TPRG1: variants seen among roughly 807,000 people sequenced by gnomAD.
The protein encoded by TPRG1 is tumor protein p63-regulated gene 1 protein.
TPRG1 carries 29 observed loss-of-function variants against 29.3 expected under a neutral mutation model. That is an observed-to-expected ratio of 0.99 (90% confidence interval 0.74 to 1.35). The LOEUF is 1.35. Among genes scored for constraint, TPRG1 ranks in the 40% most tolerant of loss-of-function variants. The pLI, the probability that TPRG1 is intolerant of heterozygous loss-of-function variation, is 0.00. For missense variants in TPRG1, 327 were observed against 335.0 expected (o/e 0.98, Z 0.19); for synonymous variants, 130 against 116.8 (o/e 1.11, Z -0.73).
intron 4 of TPRG1, among the ~76,000 whole-genome samples, chr3:189,279,326 G>T (rs777473747): frequency 6.6e-5 from 10 of 152,056 alleles, no homozygotes; most frequent in Non-Finnish European, 1.5e-4. Context: ...TTCAGTTGAA[G>T]GTAGAGATCA....
intron 1 of TPRG1, among the ~76,000 whole-genome samples, chr3:188,997,756 C>T (rs1460529864): frequency 1.3e-5 from 2 of 152,112 alleles, no homozygotes; most frequent in Admixed American, 6.5e-5. Context: ...AAGGGACATC[C>T]GAACAATTAC....
At chr3:189,232,652 A>G (rs1234003469) in intron 3 of TPRG1, among the ~76,000 whole-genome samples, 1 of 152,052 alleles carries the variant, frequency 6.6e-6, no homozygotes, top group Non-Finnish European at 1.5e-5. Flanking sequence ...TCTGCATGGG[A>G]TAGTGGGGGG....
chr3:189,123,861 C>T (rs543181101), intron 1 of TPRG1, among the ~76,000 whole-genome samples: 25 of 152,220 alleles, frequency 1.6e-4, no homozygotes, highest in South Asian at 4.2e-4. Flanking sequence ...GAAATGTGCC[C>T]GGGAAATGTG....
chr3:189,105,591 C>T (rs1479391631), intron 1 of TPRG1, among the ~76,000 whole-genome samples: 2 of 152,098 alleles, frequency 1.3e-5, no homozygotes, highest in East Asian at 3.9e-4. Flanking sequence ...GCATCTCCCT[C>T]ATTTTCCCTT....
At chr3:189,037,718 C>T (rs1714364280) in intron 4 of TPRG1, among the ~76,000 whole-genome samples, 1 of 151,606 alleles carries the variant, frequency 6.6e-6, no homozygotes, top group Non-Finnish European at 1.5e-5. Context: ...ACAGTCTTCT[C>T]CAAGATTTTG....
chr3:189,240,058 T>C (rs1405046167), intron 4 of TPRG1, among the ~76,000 whole-genome samples: 2 of 152,170 alleles, frequency 1.3e-5, no homozygotes, highest in Non-Finnish European at 2.9e-5. Context: ...GACTAGCACA[T>C]AGTAGGGTCT....
chr3:189,193,770 A>G (rs1238222606), intron 1 of TPRG1, among the ~76,000 whole-genome samples: 5 of 150,806 alleles, frequency 3.3e-5, no homozygotes, highest in South Asian at 2.1e-4. Flanking sequence ...ATGTATGTCT[A>G]CTATCTCTGT....
chr3:189,296,001 C>T (rs938217608), intron 4 of TPRG1, among the ~76,000 whole-genome samples: 2 of 151,800 alleles, frequency 1.3e-5, no homozygotes, highest in African/African-American at 2.4e-5. Context: ...TTTGTTGACC[C>T]GTTTGGGGCT....
At chr3:189,204,632 T>C (rs1397964534) in intron 1 of TPRG1, among the ~76,000 whole-genome samples, 1 of 152,170 alleles carries the variant, frequency 6.6e-6, no homozygotes, top group Non-Finnish European at 1.5e-5. Flanking sequence ...GAAGACAGCC[T>C]GAGGGAGAGG....
chr3:189,176,782 A>C (rs1560516235), intron 1 of TPRG1, among the ~76,000 whole-genome samples: 1 of 152,260 alleles, frequency 6.6e-6, no homozygotes, highest in Non-Finnish European at 1.5e-5. Context: ...CGTGGAACGA[A>C]CTGAGTGGAA....
upstream of TPRG1, among the ~76,000 whole-genome samples, chr3:189,171,083 A>G (rs1473291807): frequency 6.6e-6 from 1 of 152,240 alleles, no homozygotes; most frequent in Non-Finnish European, 1.5e-5. Context: ...ACTTTATTTT[A>G]TACCAACTCT....
intron 4 of TPRG1, among the ~76,000 whole-genome samples, chr3:189,081,291 C>A (rs927698215): frequency 1.3e-5 from 2 of 151,970 alleles, no homozygotes; most frequent in African/African-American, 4.8e-5. Flanking sequence ...TTGAGAGAAC[C>A]AAGGACTAAC....
chr3:189,256,219 T>C lies in TPRG1; in HGVS notation c.479+17310T>C, dbSNP rs139636689. Among the ~76,000 whole-genome samples the C allele has an allele frequency of 1.1e-3, 164 of 152,356 alleles. 1 individual carries two copies. Among genetic ancestry groups the C allele is most frequent in the Admixed American group, 7.4e-3 (113 of 15,306 alleles). Reference sequence around the variant, plus strand: ...GAGATTTTGGTATGTTGTGTCTTTGTTGTCATTGGTTTCAAAGAACTTATT... The same window carrying C: ...GAGATTTTGGTATGTTGTGTCTTTGCTGTCATTGGTTTCAAAGAACTTATT... On this transcript the variant is annotated intron_variant, in intron 4 of 5. Transcript: ENST00000345063.
chr3:189,087,757 A>G (rs549788573), intron 4 of TPRG1, among the ~76,000 whole-genome samples: 16 of 152,340 alleles, frequency 1.1e-4, no homozygotes, highest in Non-Finnish European at 1.8e-4. Context: ...CATTTATTAA[A>G]TAGGGAATCC....
At chr3:189,198,692 A>G (rs1008606418) in intron 1 of TPRG1, among the ~76,000 whole-genome samples, 1 of 152,344 alleles carries the variant, frequency 6.6e-6, no homozygotes, top group African/African-American at 2.4e-5. Context: ...GTGCTGGACT[A>G]TGAAGATTAG....
chr3:189,186,480 C>A (rs971029147), intron 1 of TPRG1, among the ~76,000 whole-genome samples: 4 of 152,114 alleles, frequency 2.6e-5, no homozygotes, highest in Non-Finnish European at 4.4e-5. Context: ...GATTTCCTAC[C>A]CTTGGTGCTC....
chr3:189,306,058 T>A (rs577894015), intron 4 of TPRG1, among the ~76,000 whole-genome samples: 1 of 152,202 alleles, frequency 6.6e-6, no homozygotes, highest in Non-Finnish European at 1.5e-5. Flanking sequence ...TGGGAACAAA[T>A]TGATAGTAAA....
At chr3:189,046,213 A>G (rs1352483244) in intron 4 of TPRG1, among the ~76,000 whole-genome samples, 2 of 152,130 alleles carry the variant, frequency 1.3e-5, no homozygotes, top group South Asian at 2.1e-4. Context: ...GTGTAGGTCA[A>G]TGACAGCAGG....
At chr3:189,265,288 T>G (rs1713864439) in intron 4 of TPRG1, among the ~76,000 whole-genome samples, 1 of 152,190 alleles carries the variant, frequency 6.6e-6, no homozygotes, top group South Asian at 2.1e-4. Flanking sequence ...AGTCATCACA[T>G]GATGGGCCTG....
Sources: allele counts gnomAD v4.1 joint callset (sites outside exome capture counted in the v4.1 genomes callset), GRCh38; gene constraint gnomAD v4.1.1; transcripts MANE v1.5; gene names NCBI Gene and HGNC (gene_info 2026-07-23, HGNC 2026-07-21).